ST8SIA4: variants seen among roughly 807,000 people sequenced by gnomAD.
ST8SIA4 encodes ST8 alpha-N-acetyl-neuraminide alpha-2,8-sialyltransferase 4, also known as CMP-N-acetylneuraminate-poly-alpha-2,8-sialyltransferase.
Under a neutral mutation model 33.9 loss-of-function variants are expected in ST8SIA4, and 15 were observed. That is an observed-to-expected ratio of 0.44 (90% CI 0.30 to 0.68). The LOEUF is 0.68. Among genes scored for constraint, ST8SIA4 ranks in the 30% least tolerant of loss-of-function variants. ST8SIA4 has a pLI of 0.10. For synonymous variants in ST8SIA4, 171 were observed against 151.2 expected (o/e 1.13, Z -0.96); for missense variants, 321 against 428.0 (o/e 0.75, Z 2.21).
intron 4 of ST8SIA4, among the ~76,000 whole-genome samples, chr5:100,837,211 G>C (rs1236611518): frequency 2.0e-5 from 3 of 151,872 alleles, no homozygotes; most frequent in Non-Finnish European, 4.4e-5. Context: ...CTTTTTCTTT[G>C]TCCAAAATAT....
chr5:100,884,094 C>G (rs1456358445), intron 3 of ST8SIA4, among the ~76,000 whole-genome samples: 1 of 152,156 alleles, frequency 6.6e-6, no homozygotes, highest in Non-Finnish European at 1.5e-5. Flanking sequence ...AACCAGTTTA[C>G]TGAACATCAC....
chr5:100,819,669 A>G (rs1311449272), intron 4 of ST8SIA4, among the ~76,000 whole-genome samples: 1 of 152,216 alleles, frequency 6.6e-6, no homozygotes, highest in Non-Finnish European at 1.5e-5. Flanking sequence ...GATCAAGAAA[A>G]TCAATTTAAA....
At chr5:100,873,547 T>C (rs1385962663) in intron 3 of ST8SIA4, among the ~76,000 whole-genome samples, 1 of 152,150 alleles carries the variant, frequency 6.6e-6, no homozygotes, top group Non-Finnish European at 1.5e-5. Context: ...CCAATTGTAA[T>C]TGTTAATCAT....
chr5:100,884,132 A>C (rs1348714315), intron 3 of ST8SIA4, among the ~76,000 whole-genome samples: 1 of 152,256 alleles, frequency 6.6e-6, no homozygotes, highest in African/African-American at 2.4e-5. Context: ...AGGAATGATC[A>C]ATATTCCAAA....
intron 3 of ST8SIA4, among the ~76,000 whole-genome samples, chr5:100,882,622 C>G (rs1478425632): frequency 2.0e-5 from 3 of 152,230 alleles, no homozygotes; most frequent in Admixed American, 1.3e-4. Context: ...ATGGCAGCCT[C>G]TCCCATCACA....
intron 3 of ST8SIA4, among the ~76,000 whole-genome samples, chr5:100,858,663 G>A (rs952692395): frequency 6.6e-6 from 1 of 152,014 alleles, no homozygotes; most frequent in Non-Finnish European, 1.5e-5. Flanking sequence ...CACTTTGAAA[G>A]CAAAAAGAAG....
In ST8SIA4 at chr5:100,807,858, G is replaced by T. The variant is rs952190145; in HGVS notation, c.*3989C>A. 1 of 152,148 alleles carries T rather than the reference G, an allele frequency of 6.6e-6. No homozygotes were observed. Among genetic ancestry groups the T allele is most frequent in the African/African-American group, 2.4e-5 (1 of 41,300 alleles). 9.4% of individuals were successfully genotyped at this position (152,148 alleles called of 1,614,324 possible). ...ATATATGCATCACACATGTCTATTT[G>T]TACTATATAGGTATATCTATAGCAC... is the stretch of plus-strand genomic sequence containing the variant. On this transcript the variant is annotated 3_prime_UTR_variant, in exon 5 of 5. Transcript: ENST00000231461.
At chr5:100,866,518 A>C (rs1561399491) in intron 3 of ST8SIA4, among the ~76,000 whole-genome samples, 1 of 151,962 alleles carries the variant, frequency 6.6e-6, no homozygotes, top group Non-Finnish European at 1.5e-5. Context: ...TTACAAAGAC[A>C]TCTTTGTTTA....
chr5:100,898,836 C>T (rs573563854), intron 1 of ST8SIA4, among the ~76,000 whole-genome samples: 3 of 152,306 alleles, frequency 2.0e-5, no homozygotes, highest in Admixed American at 6.5e-5. Flanking sequence ...ATAGGATCAT[C>T]TACAAGAAGA....
At chr5:100,823,850 T>G (rs779133271) in intron 4 of ST8SIA4, among the ~76,000 whole-genome samples, 28 of 152,364 alleles carry the variant, frequency 1.8e-4, no homozygotes, top group Non-Finnish European at 3.2e-4. Flanking sequence ...ACAATTTGTT[T>G]TCTTTCTATC....
chr5:100,826,002 T>C (rs1751136174), intron 4 of ST8SIA4, among the ~76,000 whole-genome samples: 1 of 152,200 alleles, frequency 6.6e-6, no homozygotes. Flanking sequence ...GATAGCTCAT[T>C]TCTTTCTCTT....
At chr5:100,879,451 A>T (rs1185249828) in intron 3 of ST8SIA4, among the ~76,000 whole-genome samples, 2 of 152,198 alleles carry the variant, frequency 1.3e-5, no homozygotes, top group African/African-American at 4.8e-5. Context: ...ATATAATATA[A>T]AGGAATGTTT....
intron 2 of ST8SIA4, among the ~76,000 whole-genome samples, chr5:100,893,489 T>C (rs1752716263): frequency 6.6e-6 from 1 of 152,142 alleles, no homozygotes; most frequent in Non-Finnish European, 1.5e-5. Flanking sequence ...CTATCAGCTA[T>C]TATAATTGAA....
At chr5:100,845,467 A>G (rs1751548847) in intron 4 of ST8SIA4, among the ~76,000 whole-genome samples, 1 of 151,826 alleles carries the variant, frequency 6.6e-6, no homozygotes. Context: ...GACTTAAATT[A>G]GAATAACTTA....
In ST8SIA4 at chr5:100,873,137, G is replaced by A. The variant is rs147447122; in HGVS notation, c.503+13206C>T. 4.8e-3 allele frequency among the ~76,000 whole-genome samples: 730 copies of A among 152,230 alleles called. 7 individuals are homozygous for A. Among genetic ancestry groups the A allele is most frequent in the African/African-American group, 0.017 (686 of 41,534 alleles). On this transcript the variant is annotated intron_variant, in intron 3 of 4. Coordinates refer to ENST00000231461, the MANE Select transcript of ST8SIA4 (RefSeq NM_005668.6). ...TACATAAATAAGTACACATTTAAGT[G>A]GCCCTCTTAATTGATATCTTATTGC...
At position 100,811,347 on chromosome 5, in the gene ST8SIA4, A is replaced by G. The variant is rs1390776778; in HGVS notation, c.*500T>C. 1 of 152,830 alleles carries G rather than the reference A, an allele frequency of 6.5e-6. No homozygotes were observed. The highest frequency in any genetic ancestry group is 2.1e-4 in the South Asian group (1 of 4,848). The allele number at this position is 152,830 out of a possible 1,614,324, so 9.5% of individuals were successfully genotyped here. On this transcript the variant is annotated 3_prime_UTR_variant, in exon 5 of 5. Coordinates refer to ENST00000231461, the MANE Select transcript of ST8SIA4 (RefSeq NM_005668.6). ...AAAAAAAACATAAATTAAAACATAA[A>G]ATTCATGATCAGACTCAGAGTCCTG...
At chr5:100,868,262 A>C (rs1752120397) in intron 3 of ST8SIA4, among the ~76,000 whole-genome samples, 1 of 152,094 alleles carries the variant, frequency 6.6e-6, no homozygotes, top group African/African-American at 2.4e-5. Context: ...AGAATAAAAA[A>C]GGATAGAGCG....
At chr5:100,875,807 A>C (rs1180161719) in intron 3 of ST8SIA4, among the ~76,000 whole-genome samples, 1 of 152,200 alleles carries the variant, frequency 6.6e-6, no homozygotes, top group East Asian at 1.9e-4. Flanking sequence ...AGAAAAATAT[A>C]AAACCAATGT....
intron 3 of ST8SIA4, 108 bp from the exon 4 acceptor site, chr5:100,856,504 GA>G: frequency 1.8e-6 from 2 of 1,138,964 alleles, no homozygotes; most frequent in Non-Finnish European, 2.5e-6. Context: ...TTAACCATGT[GA>G]AAAGAAAACC....
Sources: allele counts gnomAD v4.1 joint callset (sites outside exome capture counted in the v4.1 genomes callset), GRCh38; gene constraint gnomAD v4.1.1; transcripts MANE v1.5; gene names NCBI Gene and HGNC (gene_info 2026-07-23, HGNC 2026-07-21).